The following THADA variants were observed in gnomAD, a reference collection of about 807,000 sequenced individuals.
THADA encodes the protein THADA armadillo repeat containing, also known as tRNA (32-2'-O)-methyltransferase regulator THADA.
Under a neutral mutation model 219.8 loss-of-function variants are expected in THADA, and 213 were observed. That is an observed-to-expected ratio of 0.97 (90% confidence interval 0.87 to 1.09). The LOEUF is 1.09. Among genes scored for constraint, THADA ranks in the 50% least tolerant of loss-of-function variants. THADA has a pLI of 0.00. For synonymous variants in THADA, 1,018 were observed against 828.9 expected, an observed-to-expected ratio of 1.23 and a Z score of -3.92; for missense variants, 2,956 against 2,311.3, an observed-to-expected ratio of 1.28 and a Z score of -5.72.
chr2:43,432,864 G>T (rs950111599), intron 26 of THADA, among the ~76,000 whole-genome samples: 5 of 152,112 alleles, frequency 3.3e-5, no homozygotes, highest in Admixed American at 3.3e-4. Context: ...TTTTTAATAG[G>T]TTGCTTTTCC....
intron 30 of THADA, among the ~76,000 whole-genome samples, chr2:43,342,065 A>C (rs1667121156): frequency 6.6e-6 from 1 of 152,084 alleles, no homozygotes; most frequent in Admixed American, 6.6e-5. Context: ...CCCCACAAAA[A>C]TTAGCCAGGC....
intron 31 of THADA, among the ~76,000 whole-genome samples, chr2:43,293,931 G>C (rs747569398): frequency 6.6e-6 from 1 of 152,120 alleles, no homozygotes; most frequent in Non-Finnish European, 1.5e-5. Flanking sequence ...TTGACCCGCA[G>C]GACTATTACT....
intron 4 of THADA, among the ~76,000 whole-genome samples, chr2:43,587,361 C>G (rs1201323410): frequency 6.6e-6 from 1 of 152,212 alleles, no homozygotes; most frequent in Non-Finnish European, 1.5e-5. Context: ...CAATCTGGCA[C>G]TACCATTAGC....
At chr2:43,383,204 G>C (rs934880821) in intron 29 of THADA, among the ~76,000 whole-genome samples, 1 of 152,120 alleles carries the variant, frequency 6.6e-6, no homozygotes, top group African/African-American at 2.4e-5. Flanking sequence ...ACCACACAGA[G>C]ATGATTGACA....
chr2:43,463,435 G>A (rs1216919889), intron 26 of THADA, among the ~76,000 whole-genome samples: 2 of 152,190 alleles, frequency 1.3e-5, no homozygotes, highest in Non-Finnish European at 2.9e-5. Context: ...GTGATTGACA[G>A]GTCAGTTATT....
rs377673222 is a variant in THADA, at chr2:43,398,032, G to A, written c.4166C>T (p.Thr1389Ile). 3.1e-6 allele frequency: 5 copies of A among 1,613,878 alleles called. No individual in the cohort carries two copies. In the African/African-American group the frequency reaches 4.0e-5, roughly 13 times the overall value. The change falls in exon 29 of 38, where the codon ACA becomes ATA. Residue 1389 changes from threonine to isoleucine, a missense_variant. Thr to Ile is a moderately conservative substitution (Grantham distance 89). Coordinates refer to ENST00000405975, the MANE Select transcript of THADA (RefSeq NM_022065.5). Reference protein sequence around the residue: ...IPNTIRTLLSTLPSCTDQCFR... With the variant: ...IPNTIRTLLSILPSCTDQCFR... Reference sequence around the variant, plus strand: ...ACACTGGTCAGTGCAGCTGGGGAGTGTGGACAACAGAGTTCGAATGGTATT... The same window carrying A: ...ACACTGGTCAGTGCAGCTGGGGAGTATGGACAACAGAGTTCGAATGGTATT...
intron 28 of THADA, among the ~76,000 whole-genome samples, chr2:43,422,485 T>C (rs1290922691): frequency 6.6e-6 from 1 of 151,970 alleles, no homozygotes; most frequent in Admixed American, 6.6e-5. Flanking sequence ...ACCAACAGAG[T>C]TCAGGGGGAC....
chr2:43,242,734 C>T (rs1668747480), intron 36 of THADA, among the ~76,000 whole-genome samples: 1 of 152,228 alleles, frequency 6.6e-6, no homozygotes, highest in Non-Finnish European at 1.5e-5. Context: ...AGTGATCCAC[C>T]TACCTTGGCC....
intron 26 of THADA, among the ~76,000 whole-genome samples, chr2:43,435,250 T>G (rs921651534): frequency 6.6e-6 from 1 of 151,126 alleles, no homozygotes. Context: ...AGGTCGGGAG[T>G]TCAAGACCAG....
chr2:43,248,156 TATATATATAG>T (rs1228841583), intron 36 of THADA, among the ~76,000 whole-genome samples: 102 of 76,026 alleles, frequency 1.3e-3, no homozygotes, highest in South Asian at 1.9e-3. Context: ...TATATATATA[TATATATATAG>T]AGAGAGAGAG....
chr2:43,281,017 G>C (rs1188870460), intron 35 of THADA, among the ~76,000 whole-genome samples: 2 of 152,168 alleles, frequency 1.3e-5, no homozygotes, highest in African/African-American at 4.8e-5. Context: ...GGTGGGGTGG[G>C]CCTGGGCTTG....
intron 29 of THADA, among the ~76,000 whole-genome samples, chr2:43,385,982 T>G (rs1022986615): frequency 2.0e-5 from 3 of 152,012 alleles, no homozygotes; most frequent in African/African-American, 7.2e-5. Context: ...TTATAAAGAT[T>G]AAAAAGGCAT....
chr2:43,318,111 C>G (rs987166359), intron 31 of THADA, among the ~76,000 whole-genome samples: 2 of 152,096 alleles, frequency 1.3e-5, no homozygotes, highest in African/African-American at 4.8e-5. Flanking sequence ...ATGATCATAG[C>G]TCACTGCAGC....
In THADA at chr2:43,566,721, G is replaced by C. The variant is rs1698732373; in HGVS notation, c.2288C>G (p.Ala763Gly). The C allele has an allele frequency of 1.2e-6, 2 of 1,603,312 alleles. No individual in the cohort carries two copies. Among genetic ancestry groups the C allele is most frequent in the Non-Finnish European group, 1.7e-6 (2 of 1,176,904 alleles). Reference protein sequence around the residue: ...FSALTILGSIAEVFHVPEGRI... With the variant: ...FSALTILGSIGEVFHVPEGRI... ...ACCTTCTGGGACATGAAAAACTTCAGCTATTGAACCTAAAATGGTTAAAGC... is the reference window on the plus strand; with the variant it reads ...ACCTTCTGGGACATGAAAAACTTCACCTATTGAACCTAAAATGGTTAAAGC... The change falls in exon 15 of 38, where the codon GCT (alanine) becomes GGT (glycine). Residue 763 changes from alanine (A) to glycine (G), a missense_variant. Physicochemically the swap from Ala to Gly is moderately conservative, Grantham distance 60. Transcript: ENST00000405975.
intron 19 of THADA, 148 bp from the exon 20 acceptor site, chr2:43,549,516 ATTAT>A (rs1696499624): frequency 1.2e-6 from 1 of 814,284 alleles, no homozygotes; most frequent in Non-Finnish European, 1.9e-6. Context: ...TAATATGAAA[ATTAT>A]TTATACAGTT....
chr2:43,546,204 T>C (rs1558947155), intron 20 of THADA, among the ~76,000 whole-genome samples: 1 of 152,016 alleles, frequency 6.6e-6, no homozygotes, highest in Non-Finnish European at 1.5e-5. Context: ...TAATCCTGAG[T>C]TCTAGTTTGA....
At chr2:43,532,632 C>G (rs557909017) in intron 21 of THADA, among the ~76,000 whole-genome samples, 65 of 152,204 alleles carry the variant, frequency 4.3e-4, no homozygotes, top group African/African-American at 1.5e-3. Context: ...ATGACAAACC[C>G]ATAGCCAATA....
intron 26 of THADA, among the ~76,000 whole-genome samples, chr2:43,447,796 A>G (rs1681770196): frequency 6.6e-6 from 1 of 152,204 alleles, no homozygotes; most frequent in Admixed American, 6.5e-5. Flanking sequence ...CTTTGTTTCA[A>G]AACATTTTAT....
In THADA at chr2:43,404,675, T is replaced by C. The variant is rs149148906; in HGVS notation, c.4059-6536A>G. Among the ~76,000 whole-genome samples, 137 of 152,262 alleles carry C rather than the reference T, an allele frequency of 9.0e-4. 1 individual carries two copies. Among genetic ancestry groups the C allele is most frequent in the African/African-American group, 3.0e-3 (123 of 41,534 alleles). On this transcript the variant is annotated intron_variant, in intron 28 of 37. Coordinates refer to ENST00000405975, the MANE Select transcript of THADA (RefSeq NM_022065.5). ...TCATGTCTGCTAGACTGAAATGACATTGAGAACAGAAACAGGGTCTTCATA... is the reference window on the plus strand; with the variant it reads ...TCATGTCTGCTAGACTGAAATGACACTGAGAACAGAAACAGGGTCTTCATA...
Sources: allele counts gnomAD v4.1 joint callset (sites outside exome capture counted in the v4.1 genomes callset), GRCh38; gene constraint gnomAD v4.1.1; transcripts MANE v1.5; gene names NCBI Gene and HGNC (gene_info 2026-07-23, HGNC 2026-07-21).